The following ATP9B variants were observed in gnomAD, a reference collection of about 807,000 sequenced individuals.
ATP9B encodes probable phospholipid-transporting ATPase IIB.
A neutral mutation model predicts 146.1 loss-of-function variants in ATP9B; 110 were observed. The observed-to-expected ratio is 0.75, with a 90% CI of 0.65 to 0.88. The LOEUF is 0.88. Ranked by LOEUF, ATP9B falls within the 40% of genes least tolerant of loss-of-function variation. The probability of loss-of-function intolerance (pLI) is 0.00; values close to 1 mark genes in which losing one functional copy is unlikely to be tolerated. For missense variants in ATP9B, 1,499 were observed against 1,496.4 expected (o/e 1.00, Z -0.03); for synonymous variants, 604 against 569.7 (o/e 1.06, Z -0.86).
intron 1 of ATP9B, among the ~76,000 whole-genome samples, chr18:79,088,199 G>A (rs1297200391): frequency 2.0e-5 from 3 of 152,164 alleles, no homozygotes; most frequent in Admixed American, 6.5e-5. Flanking sequence ...TTCAGAACTC[G>A]TTGTGCTGCG....
At chr18:79,350,248 A>C (rs557636400) in intron 25 of ATP9B, among the ~76,000 whole-genome samples, 6 of 152,326 alleles carry the variant, frequency 3.9e-5, no homozygotes, top group African/African-American at 1.2e-4. Flanking sequence ...AATCACTTTG[A>C]ATAAAGTAGG....
chr18:79,311,942 G>A (rs1237706557), intron 15 of ATP9B, among the ~76,000 whole-genome samples: 4 of 152,198 alleles, frequency 2.6e-5, no homozygotes, highest in Admixed American at 6.5e-5. Context: ...GTGGCTGGGC[G>A]CACTTGCACG....
Position 79,375,154 on chromosome 18 carries a change from G to A in ATP9B, c.3275-240G>A, listed in dbSNP as rs556476003. Among the ~76,000 whole-genome samples, 5 of 152,354 alleles carry A rather than the reference G, an allele frequency of 3.3e-5. No homozygotes were observed. In the East Asian group the frequency reaches 9.6e-4, roughly 29 times the overall value. ...CTGGATAGGTCTCTGTCTCCTAGGG[G>A]AATGCCAAGGTGTGTGCTTCTCAGA... On this transcript the variant is annotated intron_variant, in intron 28 of 29. Coordinates refer to ENST00000426216, the MANE Select transcript of ATP9B (RefSeq NM_198531.5).
intron 25 of ATP9B, 78 bp downstream of exon 25, chr18:79,348,274 AAAC>A (rs2096902995): frequency 8.1e-7 from 1 of 1,229,386 alleles, no homozygotes; most frequent in South Asian, 1.3e-5. Context: ...AAAAAACAAA[AAAC>A]GTATATAGAA....
chr18:79,373,822 G>A, intron 27 of ATP9B, 76 bp from the exon 28 acceptor site: 2 of 1,484,218 alleles, frequency 1.3e-6, no homozygotes. Context: ...GAGTGACGTT[G>A]CTGGTTCAAG....
intron 3 of ATP9B, 93 bp downstream of exon 3, chr18:79,110,598 G>A: frequency 8.1e-7 from 1 of 1,235,718 alleles, no homozygotes; most frequent in Non-Finnish European, 1.1e-6. Flanking sequence ...TCTGACTTAG[G>A]TATTGAGTTG....
chr18:79,251,594 C>G (rs1213282004), intron 11 of ATP9B, among the ~76,000 whole-genome samples: 1 of 152,184 alleles, frequency 6.6e-6, no homozygotes, highest in African/African-American at 2.4e-5. Context: ...CGCAGCTGCA[C>G]TTAATGGACT....
intron 4 of ATP9B, among the ~76,000 whole-genome samples, chr18:79,122,706 T>A (rs911073624): frequency 7.2e-5 from 11 of 152,202 alleles, no homozygotes; most frequent in African/African-American, 2.7e-4. Context: ...TTTGGGGATA[T>A]CTGCTGCTTT....
chr18:79,100,760 G>A (rs2075214156), intron 2 of ATP9B, among the ~76,000 whole-genome samples: 1 of 152,144 alleles, frequency 6.6e-6, no homozygotes, highest in Admixed American at 6.5e-5. Flanking sequence ...GTTCCACATG[G>A]CTGGGGAGGC....
At chr18:79,333,635 C>G (rs1266353970) in intron 17 of ATP9B, among the ~76,000 whole-genome samples, 1 of 152,072 alleles carries the variant, frequency 6.6e-6, no homozygotes, top group Non-Finnish European at 1.5e-5. Context: ...AGACCTCTCC[C>G]CTCACTGTGT....
At chr18:79,125,148 T>A (rs759515540) in intron 4 of ATP9B, among the ~76,000 whole-genome samples, 6 of 152,076 alleles carry the variant, frequency 3.9e-5, no homozygotes, top group Non-Finnish European at 5.9e-5. Flanking sequence ...TATGAAAAGG[T>A]TTCCGATGGT....
intron 6 of ATP9B, chr18:79,145,387 T>C (rs111997402): frequency 0.14 from 11,093 of 80,224 alleles, 314 homozygotes; most frequent in East Asian, 0.32. Context: ...GCAGAGTGAC[T>C]GAAGGTGCAA....
At chr18:79,072,725 G>A (rs1339091147) in intron 1 of ATP9B, among the ~76,000 whole-genome samples, 8 of 87,102 alleles carry the variant, frequency 9.2e-5, no homozygotes, top group African/African-American at 3.1e-4. Flanking sequence ...CAGACCAGGC[G>A]GCTGCTGGGC....
chr18:79,288,863 T>G (rs1013074382), intron 13 of ATP9B, among the ~76,000 whole-genome samples: 1 of 152,210 alleles, frequency 6.6e-6, no homozygotes, highest in Non-Finnish European at 1.5e-5. Flanking sequence ...TTATTTCTCC[T>G]TCACTTACGA....
intron 11 of ATP9B, among the ~76,000 whole-genome samples, chr18:79,220,516 G>A (rs577035352): frequency 1.3e-5 from 2 of 152,184 alleles, no homozygotes; most frequent in Non-Finnish European, 2.9e-5. Flanking sequence ...TGGGTGGATC[G>A]CCTGAGCCTA....
chr18:79,252,202 C>T (rs889951666), intron 11 of ATP9B, among the ~76,000 whole-genome samples: 2 of 152,228 alleles, frequency 1.3e-5, no homozygotes, highest in African/African-American at 4.8e-5. Flanking sequence ...CAGTAGGAAC[C>T]GTGGCCACTG....
intron 22 of ATP9B, 92 bp from the exon 23 acceptor site, chr18:79,345,683 C>A (rs1398327292): frequency 3.7e-6 from 6 of 1,601,256 alleles, no homozygotes; most frequent in Admixed American, 1.7e-5. Flanking sequence ...CATCTCCATT[C>A]ATGGAAGTTT....
chr18:79,345,945 C>A, intron 23 of ATP9B, 106 bp downstream of exon 23: 1 of 1,260,468 alleles, frequency 7.9e-7, no homozygotes, highest in Non-Finnish European at 1.1e-6. Context: ...GGTCAGTGCA[C>A]GTCAGCATGT....
intron 1 of ATP9B, among the ~76,000 whole-genome samples, chr18:79,089,666 T>C (rs1014739733): frequency 6.6e-6 from 1 of 152,250 alleles, no homozygotes; most frequent in Non-Finnish European, 1.5e-5. Flanking sequence ...TAGACATTTA[T>C]GCGATACATA....
Sources: gnomAD v4.1 joint callset for allele counts (sites outside exome capture counted in the v4.1 genomes callset) on GRCh38, gnomAD v4.1.1 for gene constraint, MANE v1.5 for transcripts, NCBI Gene and HGNC (gene_info 2026-07-23, HGNC 2026-07-21) for gene names.